Variants in WDR11 observed in about 807,000 individuals in gnomAD.
The protein encoded by WDR11 is WD repeat-containing protein 11.
Under a neutral mutation model 151.2 loss-of-function variants are expected in WDR11, and 83 were observed. The observed-to-expected ratio is 0.55, with a 90% CI of 0.46 to 0.66. WDR11 has a LOEUF of 0.66. WDR11 is among the 30% of genes least tolerant of loss of function. WDR11 has a pLI of 0.00. For synonymous variants in WDR11, 484 were observed against 533.1 expected (o/e 0.91, Z 1.27); for missense variants, 1,301 against 1,480.9 (o/e 0.88, Z 1.99).
intron 10 of WDR11, among the ~76,000 whole-genome samples, chr10:120,872,232 A>C (rs2133758635): frequency 6.6e-6 from 1 of 152,276 alleles, no homozygotes; most frequent in East Asian, 1.9e-4. Context: ...TATCTTTTGA[A>C]AGCGATTTGA....
intron 19 of WDR11, among the ~76,000 whole-genome samples, chr10:120,897,400 A>G (rs1847650999): frequency 6.6e-6 from 1 of 152,180 alleles, no homozygotes; most frequent in Non-Finnish European, 1.5e-5. Flanking sequence ...CAATCTGACA[A>G]TATTTCCTCC....
intron 20 of WDR11, 97 bp from the exon 21 acceptor site, chr10:120,900,939 A>T (rs1030906880): frequency 6.9e-6 from 6 of 863,880 alleles, no homozygotes; most frequent in Non-Finnish European, 9.8e-6. Context: ...AACTACGAAG[A>T]AGGTTATCTC....
chr10:120,867,251 T>C, intron 9 of WDR11, 82 bp downstream of exon 9: 1 of 1,039,004 alleles, frequency 9.6e-7, no homozygotes. Context: ...TTGTAATTAT[T>C]TTAAAGTCAA....
intron 1 of WDR11, 23 bp downstream of exon 1, chr10:120,851,529 T>C (rs1439028433): frequency 6.2e-7 from 1 of 1,603,184 alleles, no homozygotes; most frequent in Non-Finnish European, 8.5e-7. Flanking sequence ...AGCTTCCAGG[T>C]CGCCAGGATC....
chr10:120,893,214 T>A (rs888831218), intron 19 of WDR11, among the ~76,000 whole-genome samples: 2 of 145,054 alleles, frequency 1.4e-5, no homozygotes, highest in Non-Finnish European at 3.0e-5. Context: ...CCTTCCTGTG[T>A]CCATGTGTTC....
chr10:120,865,232 T>C lies in WDR11; in HGVS notation c.879+20T>C. ...TTACAGGTATCTACAATTCATAAAT[T>C]ATATTCCCCAAAATTATTAAGAATG... On this transcript the variant is annotated intron_variant, in intron 6 of 28. Transcript: ENST00000263461. 6.2e-7 allele frequency: 1 copy of C among 1,610,842 alleles called. No homozygotes were observed. The highest frequency in any genetic ancestry group is 1.7e-4 in the Middle Eastern group (1 of 6,052).
chr10:120,894,491 C>T (rs1362066513), intron 19 of WDR11, among the ~76,000 whole-genome samples: 4 of 152,116 alleles, frequency 2.6e-5, no homozygotes, highest in African/African-American at 7.2e-5. Flanking sequence ...TTGTCCTGCC[C>T]CAAACGCCAG....
intron 21 of WDR11, among the ~76,000 whole-genome samples, chr10:120,901,483 GT>G (rs772955570): frequency 1.3e-5 from 2 of 152,164 alleles, no homozygotes; most frequent in African/African-American, 2.4e-5. Flanking sequence ...TCTAAAATGA[GT>G]TCTCTGTGTC....
chr10:120,907,282 A>G, intron 28 of WDR11: 1 of 234,384 alleles, frequency 4.3e-6, no homozygotes, highest in South Asian at 6.6e-5. Context: ...TCTCACGATC[A>G]CCTCTAGTGA....
intron 2 of WDR11, among the ~76,000 whole-genome samples, chr10:120,856,516 A>C (rs531456980): frequency 6.9e-5 from 10 of 145,518 alleles, no homozygotes; most frequent in African/African-American, 2.3e-4. Flanking sequence ...TGGAGGTTGC[A>C]GTGAGCTGAG....
In WDR11 at chr10:120,900,358, G is replaced by A. The variant is rs565060999; in HGVS notation, c.2624+221G>A. On this transcript the variant is annotated intron_variant, in intron 20 of 28. Coordinates refer to ENST00000263461, the MANE Select transcript of WDR11 (RefSeq NM_018117.12). ...CTGTGAGGGCGTGTATTGCTCTCAG[G>A]TGGCTGTGTGCTTGTCTTATGGTCT... 1.4e-4 allele frequency among the ~76,000 whole-genome samples: 21 copies of A among 152,260 alleles called. No individual in the cohort carries two copies. The South Asian group carries it at 3.3e-3, about 24-fold the overall frequency.
chr10:120,893,897 T>C (rs1386583478), intron 19 of WDR11, among the ~76,000 whole-genome samples: 11 of 152,146 alleles, frequency 7.2e-5, no homozygotes, highest in Admixed American at 3.3e-4. Flanking sequence ...TTGAGTTCAT[T>C]GTAGATTCTG....
Position 120,908,691 on chromosome 10 carries a change from A to G in WDR11, c.3653A>G (p.Lys1218Arg), listed in dbSNP as rs1590130382. 1 of 1,614,194 alleles carries G rather than the reference A, an allele frequency of 6.2e-7. No individual in the cohort carries two copies. Among genetic ancestry groups the G allele is most frequent in the Non-Finnish European group, 8.5e-7 (1 of 1,180,042 alleles). ...TTATTGAATGAGCTTGAGTCCCCCA[A>G]GGAAGAACCCATTGAAGAGTGACAG... The part of the protein sequence containing the change: ...KDLLNELESP[K>R]EEPIEE Residue 1218 changes from lysine to arginine, a missense_variant, in exon 29 of 29, where the codon AAG becomes AGG. By Grantham distance (26) the Lys-to-Arg change is conservative. This residue lies in a region of WDR11 where 589 missense variants were observed against 670.6 expected (regional missense o/e 0.88). Transcript: ENST00000263461.
intron 2 of WDR11, among the ~76,000 whole-genome samples, chr10:120,857,549 T>C (rs200506833): frequency 6.6e-6 from 1 of 151,650 alleles, no homozygotes; most frequent in Non-Finnish European, 1.5e-5. Context: ...TATATACACA[T>C]ACCTCATTTA....
At chr10:120,900,261 C>A in intron 20 of WDR11, 124 bp downstream of exon 20, 2 of 860,690 alleles carry the variant, frequency 2.3e-6, no homozygotes, top group Non-Finnish European at 3.8e-6. Flanking sequence ...CGAGAGAAGG[C>A]AGAGACACTA....
At chr10:120,855,699 T>C (rs1317355207) in intron 2 of WDR11, among the ~76,000 whole-genome samples, 1 of 152,232 alleles carries the variant, frequency 6.6e-6, no homozygotes, top group East Asian at 1.9e-4. Flanking sequence ...TATTAATTTT[T>C]GTTTATTGAT....
Position 120,867,129 on chromosome 10 carries a change from A to G in WDR11, c.1254A>G (p.Leu418=). 1.9e-6 allele frequency: 3 copies of G among 1,613,896 alleles called. No homozygotes were observed. The highest frequency in any genetic ancestry group is 2.5e-6 in the Non-Finnish European group (3 of 1,179,924). ...VSFCGIPVGV[L]QNKLPDLSLD... Reference sequence around the variant, plus strand: ...TCTGTGGAATTCCTGTAGGAGTGCTACAGAATAAACTCCCAGACCTTTCCT... The same window carrying G: ...TCTGTGGAATTCCTGTAGGAGTGCTGCAGAATAAACTCCCAGACCTTTCCT... Residue 418 remains leucine (L), a synonymous_variant, in exon 9 of 29, where the codon CTA becomes CTG. Coordinates refer to ENST00000263461, the MANE Select transcript of WDR11 (RefSeq NM_018117.12).
chr10:120,885,509 C>A (rs1009539992), intron 14 of WDR11, among the ~76,000 whole-genome samples: 1 of 152,060 alleles, frequency 6.6e-6, no homozygotes, highest in South Asian at 2.1e-4. Context: ...ATCGTGTGCA[C>A]ATAAGAGATG....
At chr10:120,893,909 A>G (rs550161669) in intron 19 of WDR11, among the ~76,000 whole-genome samples, 1 of 151,868 alleles carries the variant, frequency 6.6e-6, no homozygotes, top group East Asian at 1.9e-4. Flanking sequence ...TAGATTCTGG[A>G]TATTAGCCCT....
Sources: allele counts gnomAD v4.1 joint callset (sites outside exome capture counted in the v4.1 genomes callset), GRCh38; gene constraint gnomAD v4.1.1; regional missense constraint gnomAD v4.1.1; transcripts MANE v1.5; gene names NCBI Gene and HGNC (gene_info 2026-07-23, HGNC 2026-07-21).